The following WWC2 variants were observed in gnomAD, a reference collection of about 807,000 sequenced individuals.
The protein encoded by WWC2 is protein WWC2.
Under a neutral mutation model 138.5 loss-of-function variants are expected in WWC2, and 101 were observed. The ratio of observed to expected loss-of-function variants is 0.73; its 90% confidence interval spans 0.62 to 0.86. The LOEUF is 0.86. WWC2 is among the 40% of genes least tolerant of loss of function. WWC2 has a pLI of 0.00. For missense variants in WWC2, 1,420 were observed against 1,419.4 expected (o/e 1.00, Z -0.01); for synonymous variants, 558 against 538.4 (o/e 1.04, Z -0.50).
In WWC2 at chr4:183,282,696, G is replaced by C. The variant is rs1222684296; in HGVS notation, c.2685-12G>C. ...TGCCTACCAAAAGTGTTTTGTTTTT[G>C]TTTTACCATAGGCTAACAATGCTAA... On this transcript the variant is annotated splice_polypyrimidine_tract_variant and intron_variant, in intron 17 of 22. Coordinates refer to ENST00000403733, the MANE Select transcript of WWC2 (RefSeq NM_024949.6). 6.4e-7 allele frequency: 1 copy of C among 1,558,738 alleles called. No homozygotes were observed. Among genetic ancestry groups the C allele is most frequent in the South Asian group, 1.2e-5 (1 of 84,408 alleles).
At chr4:183,116,823 TAGTTA>T (rs1240209786) in intron 1 of WWC2, among the ~76,000 whole-genome samples, 7 of 152,250 alleles carry the variant, frequency 4.6e-5, no homozygotes, top group Admixed American at 1.3e-4. Flanking sequence ...AGGCTCTGTT[TAGTTA>T]AATCATGCAC....
chr4:183,143,141 T>C (rs1733351494), intron 1 of WWC2, among the ~76,000 whole-genome samples: 1 of 152,244 alleles, frequency 6.6e-6, no homozygotes, highest in Admixed American at 6.5e-5. Context: ...TTATGTTTTA[T>C]TGAAATAATA....
intron 8 of WWC2, among the ~76,000 whole-genome samples, chr4:183,251,659 G>C (rs891516756): frequency 6.6e-6 from 1 of 152,184 alleles, no homozygotes; most frequent in African/African-American, 2.4e-5. Context: ...TATTGTTCCT[G>C]GTTCAGTTGG....
chr4:183,191,093 C>G (rs552899811), intron 1 of WWC2, among the ~76,000 whole-genome samples: 2 of 151,898 alleles, frequency 1.3e-5, no homozygotes, highest in East Asian at 1.9e-4. Context: ...TGACCTGGCA[C>G]CAGAGCTCTA....
chr4:183,131,587 C>T (rs2111072287), intron 1 of WWC2, among the ~76,000 whole-genome samples: 1 of 152,102 alleles, frequency 6.6e-6, no homozygotes, highest in East Asian at 1.9e-4. Context: ...ATTTTAGAAG[C>T]AAATCTTTGT....
At chr4:183,167,236 T>C (rs1439136972) in intron 1 of WWC2, among the ~76,000 whole-genome samples, 1 of 152,208 alleles carries the variant, frequency 6.6e-6, no homozygotes, top group Middle Eastern at 3.2e-3. Flanking sequence ...TAGACATACC[T>C]AGGAAATAAT....
chr4:183,253,480 C>A (rs1042490349), intron 8 of WWC2, among the ~76,000 whole-genome samples: 1 of 152,102 alleles, frequency 6.6e-6, no homozygotes, highest in African/African-American at 2.4e-5. Context: ...GTGTACTTGG[C>A]CTTCACCCTT....
chr4:183,215,449 A>G (rs1223516590), intron 4 of WWC2, among the ~76,000 whole-genome samples: 1 of 139,778 alleles, frequency 7.2e-6, no homozygotes, highest in Non-Finnish European at 1.5e-5. Context: ...CATTCGCAAG[A>G]AAAAAAAAAG....
chr4:183,217,952 A>G (rs775174940), intron 4 of WWC2, among the ~76,000 whole-genome samples: 3 of 152,218 alleles, frequency 2.0e-5, no homozygotes, highest in South Asian at 2.1e-4. Flanking sequence ...AAAGCACATC[A>G]TAATCATATT....
At chr4:183,142,346 A>G (rs1733327603) in intron 1 of WWC2, among the ~76,000 whole-genome samples, 1 of 152,144 alleles carries the variant, frequency 6.6e-6, no homozygotes, top group Admixed American at 6.5e-5. Context: ...TTTTTGTTTG[A>G]GGCTAAGTTG....
intron 16 of WWC2, among the ~76,000 whole-genome samples, chr4:183,280,418 A>AT (rs1416407475): frequency 6.6e-6 from 1 of 151,920 alleles, no homozygotes; most frequent in African/African-American, 2.4e-5. Context: ...TAGTCTTCAT[A>AT]TCCTACTGAC....
intron 1 of WWC2, among the ~76,000 whole-genome samples, chr4:183,186,138 A>AG (rs1420514768): frequency 6.6e-6 from 1 of 151,990 alleles, no homozygotes; most frequent in Non-Finnish European, 1.5e-5. Context: ...TAGTAGAGAC[A>AG]GGGTTTCACC....
chr4:183,110,759 G>T (rs1400332373), intron 1 of WWC2, among the ~76,000 whole-genome samples: 1 of 152,128 alleles, frequency 6.6e-6, no homozygotes, highest in Non-Finnish European at 1.5e-5. Flanking sequence ...TGGTATTTTT[G>T]TGAAAATGAG....
chr4:183,161,416 A>G lies in WWC2; in HGVS notation c.132-32183A>G, dbSNP rs896337271. The stretch of plus-strand genomic sequence containing the variant: ...AGCTGAATTTTGGAAGAAATATGAC[A>G]TAAAGCATGCATTAGAAAACAAGCA... On this transcript the variant is annotated intron_variant, in intron 1 of 22. Transcript: ENST00000403733. 2.6e-5 allele frequency among the ~76,000 whole-genome samples: 4 copies of G among 152,220 alleles called. No individual in the cohort carries two copies. The East Asian group carries it at 5.8e-4, about 22-fold the overall frequency.
intron 1 of WWC2, among the ~76,000 whole-genome samples, chr4:183,101,640 A>G (rs1743184278): frequency 1.3e-5 from 2 of 152,232 alleles, no homozygotes; most frequent in Admixed American, 1.3e-4. Context: ...AAGTGACTAA[A>G]TCTTACTAAA....
chr4:183,276,726 A>G lies in WWC2; in HGVS notation c.2563-4050A>G, dbSNP rs1737868034. Among the ~76,000 whole-genome samples, 6 of 152,082 alleles carry G rather than the reference A, an allele frequency of 3.9e-5. No individual in the cohort carries two copies. The South Asian group carries it at 1.2e-3, about 32-fold the overall frequency. ...TTTCCTTCTGCATTATTGTGCTTCCATTTGAGACATTTTGCTTCTGCTCAA... is the reference window on the plus strand; with the variant it reads ...TTTCCTTCTGCATTATTGTGCTTCCGTTTGAGACATTTTGCTTCTGCTCAA... On this transcript the variant is annotated intron_variant, in intron 16 of 22. Coordinates refer to ENST00000403733, the MANE Select transcript of WWC2 (RefSeq NM_024949.6).
chr4:183,226,064 C>T (rs573102605), intron 4 of WWC2, among the ~76,000 whole-genome samples: 1 of 150,992 alleles, frequency 6.6e-6, no homozygotes, highest in South Asian at 2.1e-4. Flanking sequence ...ATGCAGAACT[C>T]GTCTGTGAAA....
intron 1 of WWC2, among the ~76,000 whole-genome samples, chr4:183,155,902 T>C (rs946586992): frequency 9.9e-5 from 15 of 152,246 alleles, no homozygotes; most frequent in Admixed American, 9.8e-4. Flanking sequence ...CAGTCTGTTT[T>C]ACAGAGCCTG....
Position 183,221,115 on chromosome 4 carries a change from G to T in WWC2, c.522+12090G>T, listed in dbSNP as rs115559699. On this transcript the variant is annotated intron_variant, in intron 4 of 22. Transcript: ENST00000403733. ...ATAGGTTAATTAAAATATTCAAGAA[G>T]ATATATCATGAAAATACAAATCCGA... is the stretch of plus-strand genomic sequence containing the variant. 5.8e-3 allele frequency among the ~76,000 whole-genome samples: 882 copies of T among 152,206 alleles called. 13 individuals are homozygous for T. Among genetic ancestry groups the T allele is most frequent in the African/African-American group, 0.021 (852 of 41,540 alleles).
Sources: allele counts gnomAD v4.1 joint callset (sites outside exome capture counted in the v4.1 genomes callset), GRCh38; gene constraint gnomAD v4.1.1; transcripts MANE v1.5; gene names NCBI Gene and HGNC (gene_info 2026-07-23, HGNC 2026-07-21).